DLG2: variants seen among roughly 807,000 people sequenced by gnomAD.
DLG2 encodes the protein discs large MAGUK scaffold protein 2, also known as disks large homolog 2.
A neutral mutation model predicts 132.5 loss-of-function variants in DLG2; 45 were observed. The ratio of observed to expected loss-of-function variants is 0.34; its 90% CI spans 0.27 to 0.44. The LOEUF is 0.44. DLG2 is among the 20% of genes least tolerant of loss of function. The pLI is 1.00. For missense variants in DLG2, 1,045 were observed against 1,196.9 expected (o/e 0.87, Z 1.87); for synonymous variants, 424 against 419.6 (o/e 1.01, Z -0.13).
chr11:83,553,490 G>A (rs2096442651), intron 19 of DLG2, among the ~76,000 whole-genome samples: 1 of 67,958 alleles, frequency 1.5e-5, no homozygotes, highest in Admixed American at 2.5e-4. Context: ...CACCGTGTGT[G>A]TGTGTGTGTG....
chr11:84,681,999 T>A (rs2099731559), intron 6 of DLG2, among the ~76,000 whole-genome samples: 1 of 152,060 alleles, frequency 6.6e-6, no homozygotes. Context: ...CACATGGTGA[T>A]AGAGGAAGCA....
chr11:85,144,173 T>C (rs1457154985), intron 5 of DLG2, among the ~76,000 whole-genome samples: 6 of 151,882 alleles, frequency 4.0e-5, no homozygotes, highest in Non-Finnish European at 8.8e-5. Context: ...TTTATCATTA[T>C]ATAATGTCCT....
chr11:84,176,156 C>A (rs1305074302), intron 8 of DLG2, among the ~76,000 whole-genome samples: 1 of 151,712 alleles, frequency 6.6e-6, no homozygotes, highest in East Asian at 1.9e-4. Context: ...CACTTACCAT[C>A]CCCCTCCCCC....
chr11:84,425,273 A>G (rs1418939674), intron 7 of DLG2, among the ~76,000 whole-genome samples: 1 of 152,126 alleles, frequency 6.6e-6, no homozygotes, highest in Non-Finnish European at 1.5e-5. Context: ...TAGAGAAGAT[A>G]TGACTTTCAA....
rs567688827 is a variant in DLG2, at chr11:84,792,778, A to T, written c.358-258047T>A. Among the ~76,000 whole-genome samples, 4 of 152,034 alleles carry T rather than the reference A, an allele frequency of 2.6e-5. No individual in the cohort carries two copies. In the South Asian group the frequency reaches 8.3e-4, roughly 32 times the overall value. Reference sequence around the variant, plus strand: ...ATATCAGTTTTAATGTTTTCTTTTCATCTCTGATTTTATTTATTTGGGTCT... The same window carrying T: ...ATATCAGTTTTAATGTTTTCTTTTCTTCTCTGATTTTATTTATTTGGGTCT... On this transcript the variant is annotated intron_variant, in intron 6 of 27. Transcript: ENST00000376104.
intron 6 of DLG2, among the ~76,000 whole-genome samples, chr11:85,024,835 T>C (rs932316408): frequency 1.3e-5 from 2 of 152,178 alleles, no homozygotes; most frequent in African/African-American, 2.4e-5. Flanking sequence ...TAAATTCAGG[T>C]TTCTCAAAAT....
At chr11:85,099,746 C>CT (rs1217482970) in intron 6 of DLG2, among the ~76,000 whole-genome samples, 18 of 152,188 alleles carry the variant, frequency 1.2e-4, no homozygotes, top group African/African-American at 4.1e-4. Flanking sequence ...ATTAAGAGCA[C>CT]TTGATGATGT....
At chr11:83,524,334 G>T (rs903023436) in intron 21 of DLG2, among the ~76,000 whole-genome samples, 1 of 152,084 alleles carries the variant, frequency 6.6e-6, no homozygotes, top group Non-Finnish European at 1.5e-5. Context: ...CATCTCCAGA[G>T]ATTCTGATCC....
intron 7 of DLG2, among the ~76,000 whole-genome samples, chr11:84,525,174 A>C (rs1022469376): frequency 6.6e-6 from 1 of 152,076 alleles, no homozygotes; most frequent in African/African-American, 2.4e-5. Flanking sequence ...CCATTTTCAC[A>C]ACTCCAACTA....
At chr11:83,884,120 C>T (rs1024483409) in intron 15 of DLG2, among the ~76,000 whole-genome samples, 19 of 152,122 alleles carry the variant, frequency 1.2e-4, no homozygotes, top group Non-Finnish European at 2.2e-4. Context: ...GCACCATGCG[C>T]GAGCCGAAGC....
At chr11:83,894,222 G>C (rs1453783206) in intron 15 of DLG2, among the ~76,000 whole-genome samples, 3 of 152,178 alleles carry the variant, frequency 2.0e-5, no homozygotes, top group Non-Finnish European at 2.9e-5. Flanking sequence ...GTGCTAGGTA[G>C]TATAAGAGTT....
intron 21 of DLG2, among the ~76,000 whole-genome samples, chr11:83,501,118 TTAGA>T (rs2094433365): frequency 6.6e-6 from 1 of 152,158 alleles, no homozygotes. Flanking sequence ...TTCCCATATG[TTAGA>T]TAGAGAAATG....
At chr11:84,868,496 A>T (rs897091799) in intron 6 of DLG2, among the ~76,000 whole-genome samples, 5 of 152,206 alleles carry the variant, frequency 3.3e-5, no homozygotes, top group Non-Finnish European at 7.3e-5. Flanking sequence ...GTAACCAGAG[A>T]AACAGAAATA....
At chr11:83,890,092 C>T (rs1377556820) in intron 15 of DLG2, among the ~76,000 whole-genome samples, 1 of 151,578 alleles carries the variant, frequency 6.6e-6, no homozygotes, top group Non-Finnish European at 1.5e-5. Context: ...CACATGTACC[C>T]TAAAACTTAA....
intron 10 of DLG2, among the ~76,000 whole-genome samples, chr11:84,065,026 T>C (rs1166484547): frequency 1.3e-5 from 2 of 152,118 alleles, no homozygotes; most frequent in Admixed American, 6.6e-5. Flanking sequence ...ATGCAGAAGA[T>C]TGCAATTCGA....
intron 12 of DLG2, among the ~76,000 whole-genome samples, chr11:83,978,507 C>T (rs899004010): frequency 2.6e-5 from 4 of 152,056 alleles, no homozygotes; most frequent in African/African-American, 4.8e-5. Flanking sequence ...TTAATGACAA[C>T]CTTTGTTGTC....
chr11:84,907,264 A>G (rs531327314), intron 6 of DLG2, among the ~76,000 whole-genome samples: 57 of 152,340 alleles, frequency 3.7e-4, no homozygotes, highest in African/African-American at 1.3e-3. Context: ...GAGTGAAGGA[A>G]TGATATTTCC....
chr11:85,153,755 C>T (rs1379360595), intron 5 of DLG2, among the ~76,000 whole-genome samples: 1 of 151,888 alleles, frequency 6.6e-6, no homozygotes, highest in Non-Finnish European at 1.5e-5. Context: ...AAAATAAATG[C>T]AAAACTTGCA....
At chr11:83,753,855 T>TATATATG (rs1566832378) in intron 18 of DLG2, among the ~76,000 whole-genome samples, 21 of 6,600 alleles carry the variant, frequency 3.2e-3, no homozygotes, top group African/African-American at 0.021. Context: ...ATATATATCA[T>TATATATG]ATATATATTT....
Sources: allele counts gnomAD v4.1 joint callset (sites outside exome capture counted in the v4.1 genomes callset), GRCh38; gene constraint gnomAD v4.1.1; transcripts MANE v1.5; gene names NCBI Gene and HGNC (gene_info 2026-07-23, HGNC 2026-07-21).